Variants in SDHB observed in about 807,000 individuals in gnomAD.
SDHB encodes the protein succinate dehydrogenase complex iron sulfur subunit B.
In SDHB, 21 loss-of-function variants were observed where a neutral mutation model predicts 39.7. That is an observed-to-expected ratio of 0.53 (90% CI 0.37 to 0.76). The LOEUF is 0.76. Among genes scored for constraint, SDHB ranks in the 30% least tolerant of loss-of-function variants. The pLI, the probability that SDHB is intolerant of heterozygous loss-of-function variation, is 0.00. For missense variants in SDHB, 343 were observed against 350.9 expected, an observed-to-expected ratio of 0.98 and a Z score of 0.18; for synonymous variants, 118 against 117.0, an observed-to-expected ratio of 1.01 and a Z score of -0.06.
At chr1:17,026,680 C>T (rs1011093340) in intron 5 of SDHB, among the ~76,000 whole-genome samples, 2 of 152,100 alleles carry the variant, frequency 1.3e-5, no homozygotes, top group South Asian at 2.1e-4. Context: ...CCTTTCTTAA[C>T]GTTTTATGGG....
intron 5 of SDHB, among the ~76,000 whole-genome samples, chr1:17,024,827 T>C (rs1489309988): frequency 6.6e-6 from 1 of 152,094 alleles, no homozygotes; most frequent in Non-Finnish European, 1.5e-5. Context: ...CAGAAATGGA[T>C]TAAAAACAGC....
intron 7 of SDHB, 33 bp downstream of exon 7, chr1:17,022,575 G>A: frequency 6.2e-7 from 1 of 1,612,646 alleles, no homozygotes. Context: ...TGTCAGCTCT[G>A]AGGCAGAGCT....
chr1:17,025,596 G>A (rs1019833576), intron 5 of SDHB, among the ~76,000 whole-genome samples: 7 of 152,166 alleles, frequency 4.6e-5, no homozygotes, highest in African/African-American at 1.7e-4. Context: ...TTTTTGTAGA[G>A]ACAGGGTCGC....
At chr1:17,044,701 A>C in intron 2 of SDHB, 60 bp downstream of exon 2, 1 of 1,573,612 alleles carries the variant, frequency 6.4e-7, no homozygotes, top group South Asian at 1.1e-5. Flanking sequence ...TGTGAAAAGC[A>C]TGTCCCTAAA....
At chr1:17,041,794 T>G (rs376570610) in intron 2 of SDHB, among the ~76,000 whole-genome samples, 2 of 152,340 alleles carry the variant, frequency 1.3e-5, no homozygotes, top group East Asian at 3.9e-4. Flanking sequence ...ACGCAAGATG[T>G]GGGCAGAGTT....
At chr1:17,038,860 T>A (rs1324724014) in intron 2 of SDHB, among the ~76,000 whole-genome samples, 1 of 152,234 alleles carries the variant, frequency 6.6e-6, no homozygotes, top group African/African-American at 2.4e-5. Context: ...TTATCATTTT[T>A]AAAAATCATG....
chr1:17,026,292 G>T (rs2077990572), intron 5 of SDHB, among the ~76,000 whole-genome samples: 1 of 152,170 alleles, frequency 6.6e-6, no homozygotes, highest in Admixed American at 6.5e-5. Context: ...ACTCTGACTT[G>T]CAGGCCACTG....
chr1:17,049,833 G>A (rs1488807325), intron 1 of SDHB, among the ~76,000 whole-genome samples: 3 of 150,516 alleles, frequency 2.0e-5, no homozygotes, highest in African/African-American at 7.3e-5. Flanking sequence ...TTTTAGTAGG[G>A]ATGGGGTTTC....
Position 17,044,775 on chromosome 1 carries a change from T to C in SDHB, c.186A>G (p.Glu62=), listed in dbSNP as rs876658473. 2.5e-6 allele frequency: 4 copies of C among 1,614,026 alleles called. No individual in the cohort carries two copies. The highest frequency in any genetic ancestry group is 3.4e-6 in the Non-Finnish European group (4 of 1,179,990). ...AGDKPHMQTY[E]VDLNKCGPMV... ...GAGATACTCACTTATTAAGGTCAAC[T>C]TCATAAGTCTGCATATGAGGTTTGT... The change falls in exon 2 of 8, where the codon GAA becomes GAG. Residue 62 remains glutamate (E), a synonymous_variant. Coordinates refer to ENST00000375499, the MANE Select transcript of SDHB (RefSeq NM_003000.3).
At chr1:17,049,647 C>CTTTTTT (rs397835910) in intron 1 of SDHB, among the ~76,000 whole-genome samples, 961 of 52,062 alleles carry the variant, frequency 0.018, 226 homozygotes, top group African/African-American at 0.033. Context: ...TCCCCTAGTT[C>CTTTTTT]TTTTTTTTTT....
At chr1:17,046,360 T>A (rs1301403028) in intron 1 of SDHB, among the ~76,000 whole-genome samples, 1 of 152,050 alleles carries the variant, frequency 6.6e-6, no homozygotes, top group Non-Finnish European at 1.5e-5. Context: ...TCCCATTTTT[T>A]TTTTGGTCTT....
chr1:17,052,921 C>T (rs2078156647), intron 1 of SDHB, among the ~76,000 whole-genome samples: 1 of 152,116 alleles, frequency 6.6e-6, no homozygotes. Flanking sequence ...TAAAAAACTG[C>T]CTCAGGTCTG....
intron 2 of SDHB, among the ~76,000 whole-genome samples, chr1:17,038,382 A>C (rs2078061578): frequency 6.6e-6 from 1 of 152,246 alleles, no homozygotes; most frequent in South Asian, 2.1e-4. Flanking sequence ...TGAAATACAC[A>C]CACACACAAA....
chr1:17,027,641 A>G (rs2077998380), intron 5 of SDHB, 108 bp downstream of exon 5: 7 of 787,056 alleles, frequency 8.9e-6, no homozygotes, highest in Non-Finnish European at 1.4e-5. Context: ...CCTCTCCAGA[A>G]TACACTAAAT....
intron 5 of SDHB, among the ~76,000 whole-genome samples, chr1:17,026,737 T>C (rs966916945): frequency 3.3e-5 from 5 of 152,126 alleles, no homozygotes; most frequent in African/African-American, 1.2e-4. Flanking sequence ...AAAGGTAGAA[T>C]TAATTTATTC....
At chr1:17,047,612 G>A (rs2078119303) in intron 1 of SDHB, among the ~76,000 whole-genome samples, 1 of 151,760 alleles carries the variant, frequency 6.6e-6, no homozygotes, top group African/African-American at 2.4e-5. Context: ...GAACTTGGGA[G>A]GTAAAGGTTG....
chr1:17,030,353 A>G (rs1353964908), intron 3 of SDHB, among the ~76,000 whole-genome samples: 1 of 152,100 alleles, frequency 6.6e-6, no homozygotes, highest in East Asian at 1.9e-4. Context: ...GGCTTCTTCT[A>G]TTGTCTTCAT....
intron 2 of SDHB, among the ~76,000 whole-genome samples, chr1:17,035,788 A>T (rs575463461): frequency 1.3e-5 from 2 of 152,238 alleles, no homozygotes; most frequent in East Asian, 3.9e-4. Flanking sequence ...TGAACCCCAG[A>T]GGCGGAGGTT....
At position 17,024,025 on chromosome 1, in the gene SDHB, G is replaced by C. The variant is rs74315367; in HGVS notation, c.590C>G (p.Pro197Arg). 7.4e-6 allele frequency: 12 copies of C among 1,613,948 alleles called. No homozygotes were observed. The highest frequency in any genetic ancestry group is 1.0e-5 in the Non-Finnish European group (12 of 1,179,970). Residue 197 changes from proline to arginine, a missense_variant, in exon 6 of 8, where the codon CCC becomes CGC. Coordinates refer to ENST00000375499, the MANE Select transcript of SDHB (RefSeq NM_003000.3). ...TTTGTCTCCGTTCCACCAGTAGCTG[G>C]GGCAGCTGGTGCTACAGCAGGCACA... Reference protein sequence around the residue: ...ILCACCSTSCPSYWWNGDKYL... With the variant: ...ILCACCSTSCRSYWWNGDKYL...
Sources: gnomAD v4.1 joint callset for allele counts (sites outside exome capture counted in the v4.1 genomes callset) on GRCh38, gnomAD v4.1.1 for gene constraint, MANE v1.5 for transcripts, NCBI Gene and HGNC (gene_info 2026-07-23, HGNC 2026-07-21) for gene names.